Variants in TUSC3 observed in about 807,000 individuals in gnomAD.
TUSC3 encodes dolichyl-diphosphooligosaccharide--protein glycosyltransferase subunit TUSC3.
In TUSC3, 45 loss-of-function variants were observed where a neutral mutation model predicts 44.8. That is an observed-to-expected ratio of 1.00 (90% CI 0.79 to 1.29). The LOEUF is 1.29. TUSC3 is among the 50% of genes most tolerant of loss of function. TUSC3 has a pLI of 0.00. For missense variants in TUSC3, 519 were observed against 437.9 expected, an observed-to-expected ratio of 1.19 and a Z score of -1.65; for synonymous variants, 212 against 152.9, an observed-to-expected ratio of 1.39 and a Z score of -2.85.
chr8:15,582,288 A>G (rs1803398008), intron 1 of TUSC3, among the ~76,000 whole-genome samples: 1 of 152,080 alleles, frequency 6.6e-6, no homozygotes, highest in African/African-American at 2.4e-5. Flanking sequence ...TCACGCTGGG[A>G]GCTGTAGACC....
chr8:15,517,144 T>TG (rs1563271881), intron 2 of TUSC3, among the ~76,000 whole-genome samples: 1 of 152,142 alleles, frequency 6.6e-6, no homozygotes, highest in African/African-American at 2.4e-5. Flanking sequence ...AGGGATTCTC[T>TG]AGCAATAGCT....
intron 9 of TUSC3, among the ~76,000 whole-genome samples, chr8:15,755,966 A>G (rs569391263): frequency 5.3e-5 from 8 of 152,290 alleles, no homozygotes; most frequent in Middle Eastern, 3.4e-3. Context: ...TGTCTGTAGT[A>G]ACATCTAAGA....
chr8:15,475,884 A>G (rs1197349228), intron 1 of TUSC3, among the ~76,000 whole-genome samples: 1 of 152,178 alleles, frequency 6.6e-6, no homozygotes, highest in African/African-American at 2.4e-5. Flanking sequence ...ATTCCAGAAT[A>G]TATTTCTTTC....
chr8:15,466,689 G>C (rs1299764445), intron 1 of TUSC3, among the ~76,000 whole-genome samples: 2 of 152,050 alleles, frequency 1.3e-5, no homozygotes, highest in Non-Finnish European at 2.9e-5. Flanking sequence ...TTAAGGAAAA[G>C]GTTCTTTGAG....
At chr8:15,501,040 C>T (rs1800957319) in intron 2 of TUSC3, among the ~76,000 whole-genome samples, 1 of 151,872 alleles carries the variant, frequency 6.6e-6, no homozygotes, top group Non-Finnish European at 1.5e-5. Context: ...TTGCTATCTT[C>T]CTTGACCCAC....
intron 2 of TUSC3, among the ~76,000 whole-genome samples, chr8:15,533,279 G>A (rs952529852): frequency 1.3e-5 from 2 of 152,160 alleles, no homozygotes; most frequent in African/African-American, 2.4e-5. Context: ...TCAGCAGCAT[G>A]AAAATTGATT....
At chr8:15,819,967 G>A in the TUSC3 span, among the ~76,000 whole-genome samples, 6 of 152,108 alleles carry the variant, frequency 3.9e-5, no homozygotes, top group Non-Finnish European at 7.3e-5. Context: ...ATTAAAGGCA[G>A]TTATTATGTT....
chr8:15,686,421 C>G lies in TUSC3; in HGVS notation c.798+12585C>G, dbSNP rs35346676. Among the ~76,000 whole-genome samples, 875 of 152,140 alleles carry G rather than the reference C, an allele frequency of 5.8e-3. 9 individuals are homozygous for G. Among genetic ancestry groups the G allele is most frequent in the African/African-American group, 0.02 (817 of 41,508 alleles). On this transcript the variant is annotated intron_variant, in intron 6 of 10. Transcript: ENST00000503731. ...TGTGAGTAAAACTAAGCGTTATATT[C>G]TGCATGCACATGCAGAACATTTTAT...
chr8:15,637,796 G>A (rs1172883011), intron 2 of TUSC3, among the ~76,000 whole-genome samples: 2 of 152,072 alleles, frequency 1.3e-5, no homozygotes, highest in Admixed American at 1.3e-4. Flanking sequence ...GTCGAGTTCA[G>A]CAAGCTTATT....
At chr8:15,822,949 G>C in the TUSC3 span, among the ~76,000 whole-genome samples, 1 of 152,058 alleles carries the variant, frequency 6.6e-6, no homozygotes, top group Non-Finnish European at 1.5e-5. Flanking sequence ...TCACTGACAG[G>C]TTCATTGGCC....
At chr8:15,630,448 A>G (rs1165233422) in intron 2 of TUSC3, among the ~76,000 whole-genome samples, 2 of 145,452 alleles carry the variant, frequency 1.4e-5, no homozygotes, top group Non-Finnish European at 3.1e-5. Context: ...TCCTTTATAT[A>G]TACAGTATAT....
intron 1 of TUSC3, among the ~76,000 whole-genome samples, chr8:15,605,331 C>T (rs1194765812): frequency 6.6e-6 from 1 of 151,864 alleles, no homozygotes; most frequent in African/African-American, 2.4e-5. Flanking sequence ...CTGTCTCTAA[C>T]TGGCAATAAC....
intron 3 of TUSC3, among the ~76,000 whole-genome samples, chr8:15,651,783 C>G (rs1196111962): frequency 2.0e-5 from 3 of 152,164 alleles, no homozygotes; most frequent in Non-Finnish European, 4.4e-5. Flanking sequence ...AGCTTATTTA[C>G]CCAGTATTCT....
intron 2 of TUSC3, among the ~76,000 whole-genome samples, chr8:15,645,883 CTAAA>C (rs1329448026): frequency 6.6e-6 from 1 of 152,074 alleles, no homozygotes; most frequent in Non-Finnish European, 1.5e-5. Context: ...ATAAATCTGA[CTAAA>C]TGAGTTGTAG....
intron 2 of TUSC3, among the ~76,000 whole-genome samples, chr8:15,503,216 C>T (rs1471200199): frequency 6.6e-6 from 1 of 152,178 alleles, no homozygotes; most frequent in South Asian, 2.1e-4. Flanking sequence ...CAAATACATA[C>T]AGAGGAAAGA....
In TUSC3 at chr8:15,560,537, C is replaced by T. The variant is rs562025268; in HGVS notation, c.138+19969C>T. Among the ~76,000 whole-genome samples, 18 of 148,772 alleles carry T rather than the reference C, an allele frequency of 1.2e-4. 1 individual carries two copies. In the South Asian group the frequency reaches 3.4e-3, roughly 28 times the overall value. ...GTGGCATTCTCTGTGTTTCCTGAAT[C>T]TGAACGTTGGCCTGCCTTGCTAGAT... On this transcript the variant is annotated intron_variant, in intron 1 of 10. Coordinates refer to ENST00000503731, the MANE Select transcript of TUSC3 (RefSeq NM_006765.4).
intron 1 of TUSC3, among the ~76,000 whole-genome samples, chr8:15,565,790 G>A (rs1318467817): frequency 6.6e-6 from 1 of 152,102 alleles, no homozygotes; most frequent in Non-Finnish European, 1.5e-5. Context: ...GACCTGGAAA[G>A]CCATGTGTTG....
At chr8:15,685,049 G>T (rs928102407) in intron 6 of TUSC3, among the ~76,000 whole-genome samples, 1 of 152,290 alleles carries the variant, frequency 6.6e-6, no homozygotes, top group African/African-American at 2.4e-5. Context: ...ACTCAGTACA[G>T]CATGGCACAC....
chr8:15,651,167 CAT>C, intron 3 of TUSC3: 1 of 288,878 alleles, frequency 3.5e-6, no homozygotes, highest in Non-Finnish European at 6.7e-6. Flanking sequence ...ACTTTTGCAA[CAT>C]AGAGGAAATG....
Sources: gnomAD v4.1 joint callset for allele counts (sites outside exome capture counted in the v4.1 genomes callset) on GRCh38, gnomAD v4.1.1 for gene constraint, MANE v1.5 for transcripts, NCBI Gene and HGNC (gene_info 2026-07-23, HGNC 2026-07-21) for gene names.